FANK1: variants seen among roughly 807,000 people sequenced by gnomAD.
FANK1 encodes the protein fibronectin type 3 and ankyrin repeat domains protein 1.
Under a neutral mutation model 45.3 loss-of-function variants are expected in FANK1, and 44 were observed. The observed-to-expected ratio is 0.97, with a 90% confidence interval of 0.76 to 1.25. The LOEUF (loss-of-function observed/expected upper bound fraction) is 1.25, where lower values mean the gene tolerates loss of function less well. Among genes scored for constraint, FANK1 ranks in the 50% most tolerant of loss-of-function variants. The probability of loss-of-function intolerance (pLI) is 0.00; values close to 1 mark genes in which losing one functional copy is unlikely to be tolerated. For missense variants in FANK1, 391 were observed against 424.4 expected (o/e 0.92, Z 0.69); for synonymous variants, 149 against 152.5 (o/e 0.98, Z 0.17).
intron 1 of FANK1, among the ~76,000 whole-genome samples, chr10:125,925,772 G>T (rs1947305429): frequency 6.6e-6 from 1 of 152,072 alleles, no homozygotes; most frequent in African/African-American, 2.4e-5. Flanking sequence ...AAAATAGCAT[G>T]GAATGAGATT....
intron 1 of FANK1, among the ~76,000 whole-genome samples, chr10:125,899,792 A>G (rs1479612025): frequency 6.6e-6 from 1 of 152,218 alleles, no homozygotes; most frequent in Non-Finnish European, 1.5e-5. Flanking sequence ...TATCTAACAT[A>G]TTTTAAACCC....
intron 1 of FANK1, among the ~76,000 whole-genome samples, chr10:125,904,789 C>T (rs1485619190): frequency 6.6e-6 from 1 of 151,998 alleles, no homozygotes; most frequent in Non-Finnish European, 1.5e-5. Flanking sequence ...TTATTGTAAT[C>T]TCAAAAAATG....
chr10:126,006,752 A>C (rs1328509361), intron 7 of FANK1, among the ~76,000 whole-genome samples: 3 of 152,160 alleles, frequency 2.0e-5, no homozygotes, highest in South Asian at 4.1e-4. Context: ...CCCAGCTATT[A>C]GGGAGGCTGA....
chr10:125,926,715 C>A (rs1947368722), intron 1 of FANK1, among the ~76,000 whole-genome samples: 1 of 152,072 alleles, frequency 6.6e-6, no homozygotes. Flanking sequence ...ATTCACCTGT[C>A]TTTTTCCTGC....
At chr10:125,999,280 A>G (rs61863578) in intron 6 of FANK1, among the ~76,000 whole-genome samples, 31,098 of 150,124 alleles carry the variant, frequency 0.21, 4,006 homozygotes, top group East Asian at 0.31. Context: ...GCCCACTGCA[A>G]GCTCTGCCTC....
intron 1 of FANK1, among the ~76,000 whole-genome samples, chr10:125,954,010 A>G (rs1375759144): frequency 2.0e-5 from 3 of 148,118 alleles, no homozygotes; most frequent in Non-Finnish European, 4.5e-5. Flanking sequence ...CCATGAGAGC[A>G]CACCGAACGA....
chr10:125,942,099 AAACT>A (rs1012215739), intron 1 of FANK1, among the ~76,000 whole-genome samples: 14 of 152,202 alleles, frequency 9.2e-5, no homozygotes, highest in African/African-American at 3.1e-4. Context: ...TGATGAAGGA[AAACT>A]AAATAAGAAA....
intron 1 of FANK1, among the ~76,000 whole-genome samples, chr10:125,976,874 C>T (rs371131158): frequency 1.2e-4 from 18 of 152,192 alleles, no homozygotes; most frequent in African/African-American, 3.6e-4. Context: ...CCATCTGCCT[C>T]AGCCTCCCAA....
At chr10:125,955,935 GA>G (rs1305169558) in intron 1 of FANK1, among the ~76,000 whole-genome samples, 2 of 152,120 alleles carry the variant, frequency 1.3e-5, no homozygotes, top group Admixed American at 1.3e-4. Flanking sequence ...CATGTTCAAG[GA>G]AAATGAAAAG....
At chr10:125,952,216 T>G (rs575334052) in intron 1 of FANK1, among the ~76,000 whole-genome samples, 83 of 152,274 alleles carry the variant, frequency 5.5e-4, no homozygotes, top group Non-Finnish European at 9.6e-4. Flanking sequence ...AAAAGCGTGG[T>G]GTGTTTATAA....
chr10:125,999,498 T>G (rs1359936354), intron 6 of FANK1, among the ~76,000 whole-genome samples: 2 of 152,236 alleles, frequency 1.3e-5, no homozygotes, highest in African/African-American at 4.8e-5. Flanking sequence ...AGGCAGGAAG[T>G]GTCTGTTGAA....
intron 9 of FANK1, 25 bp from the exon 10 acceptor site, chr10:126,009,197 A>C: frequency 1.2e-6 from 2 of 1,614,158 alleles, no homozygotes; most frequent in Non-Finnish European, 1.7e-6. Context: ...TAAGCATGTA[A>C]AATTTTTGTT....
intron 2 of FANK1, among the ~76,000 whole-genome samples, chr10:125,981,804 AG>A (rs1210918947): frequency 6.6e-6 from 1 of 152,240 alleles, no homozygotes; most frequent in African/African-American, 2.4e-5. Context: ...GTCAAGATGC[AG>A]AACAGGTTCA....
At chr10:125,927,323 A>G (rs181990602) in intron 1 of FANK1, among the ~76,000 whole-genome samples, 1 of 152,200 alleles carries the variant, frequency 6.6e-6, no homozygotes, top group East Asian at 1.9e-4. Flanking sequence ...TTTTTACACT[A>G]TAGATTAGTT....
At chr10:125,914,259 C>G (rs111907025) in intron 1 of FANK1, among the ~76,000 whole-genome samples, 436 of 121,056 alleles carry the variant, frequency 3.6e-3, no homozygotes, top group Non-Finnish European at 5.6e-3. Context: ...TCCAAAGCTC[C>G]AGCTCAGCAT....
chr10:125,925,845 A>G (rs1182727764), intron 1 of FANK1, among the ~76,000 whole-genome samples: 2 of 152,134 alleles, frequency 1.3e-5, no homozygotes, highest in Admixed American at 1.3e-4. Flanking sequence ...GTATTCTGAC[A>G]TACTTGGATT....
intron 1 of FANK1, among the ~76,000 whole-genome samples, chr10:125,902,955 AAAAAATTTTC>A (rs1396932254): frequency 6.6e-6 from 1 of 152,232 alleles, no homozygotes; most frequent in Non-Finnish European, 1.5e-5. Flanking sequence ...TCAAGATTAA[AAAAAATTTTC>A]AAAGCAGTGT....
chr10:125,989,800 C>T (rs886687198), intron 3 of FANK1, among the ~76,000 whole-genome samples: 1 of 152,198 alleles, frequency 6.6e-6, no homozygotes, highest in Admixed American at 6.5e-5. Flanking sequence ...AACATGAGCT[C>T]TGTGTGCTGA....
At chr10:125,994,099 T>A (rs547873029) in intron 3 of FANK1, among the ~76,000 whole-genome samples, 264 of 151,340 alleles carry the variant, frequency 1.7e-3, no homozygotes, top group African/African-American at 6.3e-3. Context: ...AGCTGATCTT[T>A]CTGGGCCGGA....
Sources: gnomAD v4.1 joint callset for allele counts (sites outside exome capture counted in the v4.1 genomes callset) on GRCh38, gnomAD v4.1.1 for gene constraint, MANE v1.5 for transcripts, NCBI Gene and HGNC (gene_info 2026-07-23, HGNC 2026-07-21) for gene names.